The following SPATA6L variants were observed in gnomAD, a reference collection of about 807,000 sequenced individuals.
SPATA6L encodes the protein spermatogenesis associated 6 like, also known as spermatogenesis associated 6-like protein.
A neutral mutation model predicts 49.2 loss-of-function variants in SPATA6L; 68 were observed. That is an observed-to-expected ratio of 1.38 (90% CI 1.14 to 1.69). The LOEUF (loss-of-function observed/expected upper bound fraction) is 1.69. Ranked by LOEUF, SPATA6L falls within the 40% of genes most tolerant of loss-of-function variation. The pLI is 0.00. For missense variants in SPATA6L, 668 were observed against 464.3 expected (o/e 1.44, Z -4.03); for synonymous variants, 198 against 165.7 (o/e 1.19, Z -1.50).
chr9:4,662,051 A>C lies in SPATA6L; in HGVS notation c.40-15T>G. 1 of 1,612,508 alleles carries C rather than the reference A, an allele frequency of 6.2e-7. No homozygotes were observed. Among genetic ancestry groups the C allele is most frequent in the Non-Finnish European group, 8.5e-7 (1 of 1,179,332 alleles). ...GGGCAAGAAATCTTAAAAAGAAAGA[A>C]AACAACAAACAAGGGAGAGAAAACA... On this transcript the variant is annotated splice_polypyrimidine_tract_variant and intron_variant, in intron 1 of 11. Coordinates refer to ENST00000682582, the MANE Select transcript of SPATA6L (RefSeq NM_001353486.2). This position sits in a 1 kb window ranked among gnomAD's most constrained non-coding sequence, Gnocchi z 4.9.
rs748486520 is a variant in SPATA6L at position 4,662,081 on chromosome 9, T to G, written c.40-45A>C. ...ACAAACAAGGGAGAGAAAACAGACTTTGCTTTGTTTTGTTACACGGGGCTC... is the reference window on the plus strand; with the variant it reads ...ACAAACAAGGGAGAGAAAACAGACTGTGCTTTGTTTTGTTACACGGGGCTC... On this transcript the variant is annotated intron_variant, in intron 1 of 11. Transcript: ENST00000682582. The surrounding 1 kb of genome is among the most constrained non-coding windows in gnomAD (Gnocchi z 4.9). 8.1e-6 allele frequency: 13 copies of G among 1,602,316 alleles called. No homozygotes were observed. The highest frequency in any genetic ancestry group is 1.1e-5 in the Non-Finnish European group (13 of 1,173,938).
intron 3 of SPATA6L, among the ~76,000 whole-genome samples, chr9:4,639,119 G>C (rs1003661026): frequency 6.6e-6 from 1 of 152,162 alleles, no homozygotes; most frequent in Admixed American, 6.5e-5. Context: ...ACAAAGCCAT[G>C]TAGAATGCAC....
At chr9:4,631,324 T>G (rs1295622843) in intron 4 of SPATA6L, among the ~76,000 whole-genome samples, 1 of 152,122 alleles carries the variant, frequency 6.6e-6, no homozygotes, top group Non-Finnish European at 1.5e-5. Flanking sequence ...TTAAATGCTT[T>G]TTATGCTCAC....
At chr9:4,653,296 G>A (rs1177467071) in intron 3 of SPATA6L, among the ~76,000 whole-genome samples, 1 of 152,094 alleles carries the variant, frequency 6.6e-6, no homozygotes, top group Non-Finnish European at 1.5e-5. Context: ...TAAAACAAAT[G>A]GATATCCATA....
intron 2 of SPATA6L, among the ~76,000 whole-genome samples, chr9:4,656,754 T>C (rs751631073): frequency 4.6e-5 from 7 of 152,214 alleles, no homozygotes; most frequent in Admixed American, 3.3e-4. Flanking sequence ...TAAAAGCCCA[T>C]CTTAAATCAA....
intron 3 of SPATA6L, 125 bp downstream of exon 3, chr9:4,655,916 G>C (rs1042884687): frequency 2.2e-4 from 169 of 762,528 alleles, no homozygotes; most frequent in Non-Finnish European, 3.3e-4. Flanking sequence ...TTTTACGTAG[G>C]CTGTCTTGAA....
At position 4,662,741 on chromosome 9, in the gene SPATA6L, A is replaced by G; in HGVS notation, c.40-705T>C. 1 of 1,603,220 alleles carries G rather than the reference A, an allele frequency of 6.2e-7. No individual in the cohort carries two copies. Among genetic ancestry groups the G allele is most frequent in the African/African-American group, 1.3e-5 (1 of 74,978 alleles). ...CCAAGAAGCTGGGGGTGTGCGCGGGAGAGAGCTCGTCGTGGGGCAGCGTGC... is the reference window on the plus strand; with the variant it reads ...CCAAGAAGCTGGGGGTGTGCGCGGGGGAGAGCTCGTCGTGGGGCAGCGTGC... On this transcript the variant is annotated intron_variant, in intron 1 of 11. Transcript: ENST00000682582. The surrounding 1 kb of genome is among the most constrained non-coding windows in gnomAD (Gnocchi z 4.9).
chr9:4,649,120 T>C (rs59707478), intron 3 of SPATA6L, among the ~76,000 whole-genome samples: 4,011 of 152,050 alleles, frequency 0.026, 161 homozygotes, highest in African/African-American at 0.091. Context: ...TATCCACTCG[T>C]TGATTGATGG....
intron 3 of SPATA6L, among the ~76,000 whole-genome samples, chr9:4,654,300 C>T (rs561333909): frequency 3.3e-5 from 5 of 152,240 alleles, no homozygotes; most frequent in East Asian, 3.9e-4. Context: ...CTCCTTTGTC[C>T]CCCTCTCAGG....
At chr9:4,596,156 A>G (rs1420055275), downstream of SPATA6L, among the ~76,000 whole-genome samples, 1 of 152,212 alleles carries the variant, frequency 6.6e-6, no homozygotes, top group Non-Finnish European at 1.5e-5. Context: ...CCCAGTAAGT[A>G]TGGAAACTTC....
chr9:4,658,272 A>G (rs530209222), intron 2 of SPATA6L, among the ~76,000 whole-genome samples: 17 of 152,184 alleles, frequency 1.1e-4, no homozygotes, highest in Admixed American at 7.2e-4. Flanking sequence ...ATCAACATGA[A>G]CTGCTTAAAC....
At chr9:4,661,662 G>C (rs1488850240) in intron 2 of SPATA6L, among the ~76,000 whole-genome samples, 2 of 151,864 alleles carry the variant, frequency 1.3e-5, no homozygotes, top group Non-Finnish European at 2.9e-5. Flanking sequence ...AATGCCATGG[G>C]AGTTCCAAGA....
At chr9:4,608,056 A>G (rs1269533072) in intron 9 of SPATA6L, among the ~76,000 whole-genome samples, 1 of 146,874 alleles carries the variant, frequency 6.8e-6, no homozygotes, top group Non-Finnish European at 1.5e-5. Context: ...GAAGGCCATT[A>G]CATAATGGTA....
chr9:4,660,315 G>T (rs1002893224), intron 2 of SPATA6L, among the ~76,000 whole-genome samples: 18 of 152,076 alleles, frequency 1.2e-4, no homozygotes, highest in Admixed American at 5.2e-4. Flanking sequence ...AATCTACAAA[G>T]AACTTAAACA....
intron 6 of SPATA6L, among the ~76,000 whole-genome samples, chr9:4,624,064 A>G (rs1829888937): frequency 6.6e-6 from 1 of 152,232 alleles, no homozygotes; most frequent in Admixed American, 6.5e-5. Flanking sequence ...ATTTACTACA[A>G]TTCATAGTCT....
chr9:4,609,904 C>T (rs1398366097), intron 9 of SPATA6L, among the ~76,000 whole-genome samples: 1 of 151,998 alleles, frequency 6.6e-6, no homozygotes, highest in Non-Finnish European at 1.5e-5. Flanking sequence ...ACCCCATTGT[C>T]TCAGCCCAAA....
rs1413376453 is a variant in SPATA6L, at chr9:4,656,041, T to C, written c.226A>G (p.Met76Val). 2.5e-6 allele frequency: 4 copies of C among 1,611,494 alleles called. No individual in the cohort carries two copies. Among genetic ancestry groups the C allele is most frequent in the Admixed American group, 1.7e-5 (1 of 59,780 alleles). ...TTGTTTTGTTTTTCAGAGTACCTAC[T>C]TTCCAAAAGGTCTACTACAGCTCCA... ...DPGAVVDLLE[M>V]WDELAYYEEN... The change falls in exon 3 of 12, where the codon ATG becomes GTG. Residue 76 changes from methionine to valine, a missense_variant and splice_region_variant. Coordinates refer to ENST00000682582, the MANE Select transcript of SPATA6L (RefSeq NM_001353486.2).
At position 4,662,843 on chromosome 9, in the gene SPATA6L, G is replaced by T. The variant is rs1415082975; in HGVS notation, c.40-807C>A. ...TGGGCACCCTCTACTGCCTGTGCAGGAGCGACAGCTGGGCCGGGCGCGAGG... is the reference window on the plus strand; with the variant it reads ...TGGGCACCCTCTACTGCCTGTGCAGTAGCGACAGCTGGGCCGGGCGCGAGG... On this transcript the variant is annotated intron_variant, in intron 1 of 11. Coordinates refer to ENST00000682582, the MANE Select transcript of SPATA6L (RefSeq NM_001353486.2). This position sits in a 1 kb window ranked among gnomAD's most constrained non-coding sequence, Gnocchi z 4.9. 1 of 1,605,248 alleles carries T rather than the reference G, an allele frequency of 6.2e-7. No individual in the cohort carries two copies. Among genetic ancestry groups the T allele is most frequent in the Non-Finnish European group, 8.5e-7 (1 of 1,179,958 alleles).
In SPATA6L at chr9:4,599,009, A is replaced by G. The variant is rs1039203971; in HGVS notation, c.*1802T>C. ...TTTGTTTTTGTATTTTGGAATATTT[A>G]CATAAACACAATGAAGTATCTTCAG... On this transcript the variant is annotated 3_prime_UTR_variant, in exon 12 of 12. Transcript: ENST00000682582. Among the ~76,000 whole-genome samples, 5 of 152,260 alleles carry G rather than the reference A, an allele frequency of 3.3e-5. No individual in the cohort carries two copies. Among genetic ancestry groups the G allele is most frequent in the African/African-American group, 1.2e-4 (5 of 41,468 alleles).
Sources: allele counts gnomAD v4.1 joint callset (sites outside exome capture counted in the v4.1 genomes callset), GRCh38; gene constraint gnomAD v4.1.1; non-coding constraint Gnocchi (gnomAD v3.1); transcripts MANE v1.5; gene names NCBI Gene and HGNC (gene_info 2026-07-23, HGNC 2026-07-21).